Variants in LRTM3 observed in about 807,000 individuals in gnomAD.
The protein encoded by LRTM3 is leucine rich repeat transmembrane protein 3, also known as leucine-rich repeat transmembrane protein 3.
At chr13:102,739,966 T>C in the LRTM3 span, 1 of 1,550,456 alleles carries the variant, frequency 6.4e-7, no homozygotes, top group Non-Finnish European at 8.7e-7. Context: ...ATTTCTTCCA[T>C]TTCGAAGTTC....
chr13:102,757,279 T>C, the LRTM3 span, among the ~76,000 whole-genome samples: 1 of 152,140 alleles, frequency 6.6e-6, no homozygotes, highest in Non-Finnish European at 1.5e-5. Context: ...TACAACAATA[T>C]AGCAACCAGA....
chr13:102,738,016 A>C, the LRTM3 span: 1 of 1,550,154 alleles, frequency 6.5e-7, no homozygotes. Flanking sequence ...TGTCTTCTCT[A>C]TCAACCTTTT....
At chr13:102,739,038 T>C in the LRTM3 span, 1 of 1,550,522 alleles carries the variant, frequency 6.4e-7, no homozygotes, top group South Asian at 1.2e-5. Flanking sequence ...TCCTGCTGTG[T>C]TGATGATGAA....
chr13:102,744,867 C>A, the LRTM3 span: 1 of 1,550,710 alleles, frequency 6.4e-7, no homozygotes, highest in Non-Finnish European at 8.7e-7. Flanking sequence ...GCTTGTAGAT[C>A]TTTATTAAAC....
chr13:102,744,820 C>T, the LRTM3 span: 1 of 1,550,602 alleles, frequency 6.4e-7, no homozygotes, highest in African/African-American at 1.4e-5. Context: ...TCTGTGCCTC[C>T]CCACCATGTG....
chr13:102,755,024 G>C, the LRTM3 span, among the ~76,000 whole-genome samples: 1 of 152,152 alleles, frequency 6.6e-6, no homozygotes. Flanking sequence ...CTATGGGTAA[G>C]GCCAACCCTA....
the LRTM3 span, chr13:102,749,262 T>G: frequency 6.4e-7 from 1 of 1,550,788 alleles, no homozygotes; most frequent in Non-Finnish European, 8.7e-7. Context: ...TCTGGTGTTT[T>G]TCTTCTATTT....
At chr13:102,738,925 T>C in the LRTM3 span, 3 of 1,550,586 alleles carry the variant, frequency 1.9e-6, no homozygotes, top group African/African-American at 2.7e-5. Flanking sequence ...CCAAAGCCTT[T>C]TCCACTCTGT....
At chr13:102,730,962 G>A in the LRTM3 span, 2 of 1,551,408 alleles carry the variant, frequency 1.3e-6, no homozygotes, top group Non-Finnish European at 1.7e-6. Context: ...TTTCTCTCAT[G>A]AGCACTGGTC....
At chr13:102,741,612 T>C in the LRTM3 span, 171 of 1,550,378 alleles carry the variant, frequency 1.1e-4, no homozygotes, top group Non-Finnish European at 1.3e-4. Flanking sequence ...AGGTTTGTCA[T>C]AGAAATATCT....
chr13:102,740,412 C>A, the LRTM3 span: 1 of 1,550,180 alleles, frequency 6.5e-7, no homozygotes, highest in South Asian at 1.2e-5. Flanking sequence ...TTACCTCCTT[C>A]TGATAATGCT....
the LRTM3 span, chr13:102,758,881 C>T: frequency 6.5e-7 from 1 of 1,549,732 alleles, no homozygotes; most frequent in Non-Finnish European, 8.7e-7. Context: ...AATGTATTAT[C>T]TTCCAGTCCA....
At chr13:102,756,329 G>A in the LRTM3 span, among the ~76,000 whole-genome samples, 73 of 132,654 alleles carry the variant, frequency 5.5e-4, no homozygotes, top group South Asian at 1.0e-3. Flanking sequence ...AAAAAAAATG[G>A]AGGTATAGTG....
chr13:102,746,141 C>T, the LRTM3 span: 10 of 1,551,012 alleles, frequency 6.4e-6, no homozygotes, highest in Non-Finnish European at 8.7e-6. Context: ...TTGTTCAAAA[C>T]CTGTTTGGTG....
the LRTM3 span, chr13:102,741,437 A>G: frequency 5.9e-5 from 91 of 1,550,204 alleles, no homozygotes; most frequent in African/African-American, 1.1e-3. Context: ...TGTACAAAGA[A>G]ATTTCTGTCC....
the LRTM3 span, chr13:102,738,836 T>G: frequency 6.5e-7 from 1 of 1,550,350 alleles, no homozygotes; most frequent in Admixed American, 2.0e-5. Context: ...TCCTTTTTCT[T>G]TGATGTTCAA....
the LRTM3 span, among the ~76,000 whole-genome samples, chr13:102,756,160 C>G: frequency 6.7e-6 from 1 of 150,206 alleles, no homozygotes; most frequent in African/African-American, 2.4e-5. Context: ...ACCATGTTGT[C>G]CAGGCTGGTT....
chr13:102,744,274 G>C, the LRTM3 span: 1 of 1,550,486 alleles, frequency 6.4e-7, no homozygotes, highest in Non-Finnish European at 8.7e-7. Context: ...CTAATGTATA[G>C]CTCCGGCTTT....
the LRTM3 span, chr13:102,730,115 G>T: frequency 6.5e-7 from 1 of 1,550,024 alleles, no homozygotes; most frequent in African/African-American, 1.4e-5. Flanking sequence ...GCTTTTGTGG[G>T]ACTTACAGGA....
Sources: allele counts gnomAD v4.1 joint callset (sites outside exome capture counted in the v4.1 genomes callset), GRCh38; gene constraint gnomAD v4.1.1; transcripts MANE v1.5; gene names NCBI Gene and HGNC (gene_info 2026-07-23, HGNC 2026-07-21).